RELN: variants seen among roughly 807,000 people sequenced by gnomAD.
The protein encoded by RELN is reelin.
RELN carries 108 observed loss-of-function variants against 427.6 expected under a neutral mutation model. The observed-to-expected ratio is 0.25, with a 90% CI of 0.22 to 0.30. The LOEUF (loss-of-function observed/expected upper bound fraction) is 0.30. Among genes scored for constraint, RELN ranks in the 10% least tolerant of loss-of-function variants. RELN has a pLI of 1.00. For missense variants in RELN, 3,715 were observed against 4,302.8 expected (o/e 0.86, Z 3.82); for synonymous variants, 1,524 against 1,513.4 (o/e 1.01, Z -0.16).
chr7:103,795,122 T>C (rs1792268363), intron 3 of RELN, among the ~76,000 whole-genome samples: 1 of 152,246 alleles, frequency 6.6e-6, no homozygotes, highest in Admixed American at 6.5e-5. Context: ...CCAACTAGTA[T>C]TATCTATTGA....
intron 45 of RELN, among the ~76,000 whole-genome samples, chr7:103,538,505 G>T (rs1441749793): frequency 1.3e-5 from 2 of 152,124 alleles, no homozygotes; most frequent in Non-Finnish European, 2.9e-5. Context: ...GGTGCAAATT[G>T]GTCACAATGA....
At chr7:103,697,806 A>T in intron 10 of RELN, 47 bp downstream of exon 10, 3 of 1,612,506 alleles carry the variant, frequency 1.9e-6, no homozygotes, top group Non-Finnish European at 2.5e-6. Flanking sequence ...ACTTTTAGAA[A>T]GGAGATGAAG....
At chr7:103,951,414 G>GA (rs1223158597) in intron 1 of RELN, among the ~76,000 whole-genome samples, 1 of 152,136 alleles carries the variant, frequency 6.6e-6, no homozygotes, top group African/African-American at 2.4e-5. Context: ...TATCATTATG[G>GA]AATGACTACT....
rs1452632737 is a variant in RELN, at chr7:103,636,274, C to T, written c.2264G>A (p.Arg755His). 1 of 1,613,918 alleles carries T rather than the reference C, an allele frequency of 6.2e-7. No homozygotes were observed. Among genetic ancestry groups the T allele is most frequent in the South Asian group, 1.1e-5 (1 of 91,066 alleles). The change falls in exon 18 of 65, where the codon CGT becomes CAT. Residue 755 changes from arginine to histidine, a missense_variant. By Grantham distance (29) the Arg-to-His change is conservative (BLOSUM62 0). This residue lies in a region of RELN where 2,208 missense variants were observed against 2,361.7 expected (regional missense o/e 0.93). Coordinates refer to ENST00000428762, the MANE Select transcript of RELN (RefSeq NM_005045.4). ...KALVFNKDGR[R>H]QLITSFLDSS... ...GTCAAGGAAAGATGTAATTAGCTGA[C>T]GCCGCCCATCTTTGTTGAAAACCAG...
At chr7:103,661,676 T>C (rs1833147022) in intron 11 of RELN, 149 bp from the exon 12 acceptor site, 1 of 744,572 alleles carries the variant, frequency 1.3e-6, no homozygotes, top group Non-Finnish European at 2.2e-6. Context: ...TAGGCAATGA[T>C]TAAACTTTAA....
intron 6 of RELN, among the ~76,000 whole-genome samples, chr7:103,746,930 C>G (rs1235509350): frequency 6.6e-6 from 1 of 152,048 alleles, no homozygotes; most frequent in African/African-American, 2.4e-5. Flanking sequence ...ACCCAAAGGA[C>G]TACAAATCAT....
intron 3 of RELN, among the ~76,000 whole-genome samples, chr7:103,818,535 T>C (rs921230098): frequency 3.3e-5 from 5 of 152,274 alleles, no homozygotes; most frequent in Admixed American, 6.5e-5. Context: ...AAATCATATA[T>C]AGTTTTATGC....
chr7:103,908,752 T>A (rs1434863075), intron 2 of RELN, among the ~76,000 whole-genome samples: 1 of 152,202 alleles, frequency 6.6e-6, no homozygotes, highest in Non-Finnish European at 1.5e-5. Context: ...TAAAACTAGT[T>A]CTTAATGAAG....
chr7:103,645,641 A>G (rs1397857147), intron 16 of RELN, among the ~76,000 whole-genome samples: 1 of 151,848 alleles, frequency 6.6e-6, no homozygotes, highest in Admixed American at 6.6e-5. Context: ...AAATACTACT[A>G]GACCTAAGAA....
Position 103,626,833 on chromosome 7 carries a change from T to C in RELN, c.2702+3107A>G, listed in dbSNP as rs1388580278. Reference sequence around the variant, plus strand: ...TTTCCCTTACTGATCTTAAAGTATATGTAAGAGGTTTTAAGGAATATTAGA... The same window carrying C: ...TTTCCCTTACTGATCTTAAAGTATACGTAAGAGGTTTTAAGGAATATTAGA... On this transcript the variant is annotated intron_variant, in intron 20 of 64. Coordinates refer to ENST00000428762, the MANE Select transcript of RELN (RefSeq NM_005045.4). The surrounding 1 kb of genome is among the most constrained non-coding windows in gnomAD (Gnocchi z 4.4). Among the ~76,000 whole-genome samples the C allele has an allele frequency of 6.6e-6, 1 of 152,106 alleles. No homozygotes were observed. The highest frequency in any genetic ancestry group is 6.6e-5 in the Admixed American group (1 of 15,266).
chr7:103,523,905 G>C (rs939812287), intron 46 of RELN, among the ~76,000 whole-genome samples: 1 of 152,102 alleles, frequency 6.6e-6, no homozygotes, highest in Non-Finnish European at 1.5e-5. Context: ...TTGAACTCCT[G>C]ACCTAAAGTG....
chr7:103,636,335 T>G lies in RELN; in HGVS notation c.2203A>C (p.Ser735Arg). Residue 735 changes from serine (S) to arginine (R), a missense_variant, in exon 18 of 65, where the codon AGC becomes CGC. Around this residue, in one of 4 missense-constraint regions of RELN, gnomAD observed 2,208 missense variants for 2,361.7 expected, o/e 0.93. Transcript: ENST00000428762. The part of the protein sequence containing the change: ...NFYSIRGAEV[S>R]FGCGVLASGK... ...CTGGCCAAGACACCACAACCAAAGC[T>G]GACTTCAGCACCACGGATAGAGTAA... 1 of 1,614,028 alleles carries G rather than the reference T, an allele frequency of 6.2e-7. No homozygotes were observed. Among genetic ancestry groups the G allele is most frequent in the Non-Finnish European group, 8.5e-7 (1 of 1,179,968 alleles).
chr7:103,778,886 A>C (rs1021678979), intron 3 of RELN, among the ~76,000 whole-genome samples: 1 of 152,212 alleles, frequency 6.6e-6, no homozygotes, highest in African/African-American at 2.4e-5. Context: ...TTTCAAAATT[A>C]CGGGGCTCCA....
At chr7:103,541,330 A>G (rs1435642452) in intron 43 of RELN, among the ~76,000 whole-genome samples, 5 of 152,228 alleles carry the variant, frequency 3.3e-5, no homozygotes, top group Admixed American at 2.0e-4. Flanking sequence ...TTTCATGTGT[A>G]ACCCAACACA....
chr7:103,703,834 G>T (rs2115811106), intron 8 of RELN, among the ~76,000 whole-genome samples: 1 of 152,318 alleles, frequency 6.6e-6, no homozygotes, highest in African/African-American at 2.4e-5. Context: ...GAGAGGCACT[G>T]ATGAACTTAA....
chr7:103,926,478 G>C (rs769115794), intron 1 of RELN, among the ~76,000 whole-genome samples: 5 of 152,020 alleles, frequency 3.3e-5, no homozygotes, highest in African/African-American at 1.2e-4. Context: ...CTTTATGCTT[G>C]TGCAAGAACA....
chr7:103,870,166 A>T (rs542563210), intron 2 of RELN, among the ~76,000 whole-genome samples: 1 of 151,998 alleles, frequency 6.6e-6, no homozygotes, highest in African/African-American at 2.4e-5. Flanking sequence ...CTTTGAACAT[A>T]TATTGCTTTA....
At chr7:103,793,610 C>G (rs1303271908) in intron 3 of RELN, among the ~76,000 whole-genome samples, 1 of 152,172 alleles carries the variant, frequency 6.6e-6, no homozygotes. Flanking sequence ...AGTAAAAGTT[C>G]CAGCACAAGT....
chr7:103,560,215 C>A (rs1020013454), intron 36 of RELN, among the ~76,000 whole-genome samples: 2 of 152,114 alleles, frequency 1.3e-5, no homozygotes, highest in Non-Finnish European at 2.9e-5. Context: ...AATTCTTTTG[C>A]AACAAACAAG....
Sources: gnomAD v4.1 joint callset for allele counts (sites outside exome capture counted in the v4.1 genomes callset) on GRCh38, gnomAD v4.1.1 for gene constraint, gnomAD v4.1.1 regional missense constraint, Gnocchi (gnomAD v3.1) non-coding constraint, MANE v1.5 for transcripts, NCBI Gene and HGNC (gene_info 2026-07-23, HGNC 2026-07-21) for gene names.